ADK: variants seen among roughly 807,000 people sequenced by gnomAD.
ADK encodes the protein adenosine kinase.
Under a neutral mutation model 44.7 loss-of-function variants are expected in ADK, and 24 were observed. The observed-to-expected ratio is 0.54, with a 90% CI of 0.39 to 0.76. ADK has a LOEUF of 0.76. ADK is among the 30% of genes least tolerant of loss of function. ADK has a pLI of 0.00. For missense variants in ADK, 321 were observed against 425.1 expected (o/e 0.76, Z 2.15); for synonymous variants, 128 against 142.6 (o/e 0.90, Z 0.73).
At chr10:74,439,393 CATG>C (rs1434063587) in intron 6 of ADK, among the ~76,000 whole-genome samples, 2 of 152,158 alleles carry the variant, frequency 1.3e-5, no homozygotes, top group Non-Finnish European at 2.9e-5. Flanking sequence ...GCTTTGAAGA[CATG>C]AAGCAAGTTC....
rs367796633 is a variant in ADK at position 74,311,645 on chromosome 10, T to C, written c.195-3022T>C. On this transcript the variant is annotated intron_variant, in intron 3 of 10. Transcript: ENST00000539909. ...GAAACTTGGCTGGAAAAAATTGATATAAAGAATGTTTCTAAATATCAGCCA... is the reference window on the plus strand; with the variant it reads ...GAAACTTGGCTGGAAAAAATTGATACAAAGAATGTTTCTAAATATCAGCCA... 2.6e-5 allele frequency among the ~76,000 whole-genome samples: 4 copies of C among 152,262 alleles called. No homozygotes were observed. The East Asian group carries it at 7.7e-4, about 29-fold the overall frequency.
At chr10:74,655,166 CA>C in intron 9 of ADK, 1 of 304,108 alleles carries the variant, frequency 3.3e-6, no homozygotes, top group Non-Finnish European at 6.5e-6. Flanking sequence ...CAGAAGAACC[CA>C]AGGAAGAAGT....
At chr10:74,522,432 T>C (rs1174659504) in intron 6 of ADK, among the ~76,000 whole-genome samples, 1 of 152,126 alleles carries the variant, frequency 6.6e-6, no homozygotes, top group Non-Finnish European at 1.5e-5. Context: ...TCTCAATTGC[T>C]AGGGGGCCAT....
intron 4 of ADK, among the ~76,000 whole-genome samples, chr10:74,379,369 T>C (rs1036007689): frequency 1.3e-5 from 2 of 152,204 alleles, no homozygotes; most frequent in African/African-American, 4.8e-5. Context: ...ATAACACTCT[T>C]CTCACTGGTC....
chr10:74,660,126 G>A (rs1433421238), intron 9 of ADK, among the ~76,000 whole-genome samples: 1 of 152,000 alleles, frequency 6.6e-6, no homozygotes, highest in Non-Finnish European at 1.5e-5. Flanking sequence ...TGCTATTATT[G>A]TTCCTTTTTT....
In ADK at chr10:74,627,737, A is replaced by G. The variant is rs572434015; in HGVS notation, c.877+27244A>G. Among the ~76,000 whole-genome samples the G allele has an allele frequency of 1.5e-3, 234 of 152,150 alleles. 1 individual carries two copies. The highest frequency in any genetic ancestry group is 2.5e-3 in the Non-Finnish European group (167 of 68,004). On this transcript the variant is annotated intron_variant, in intron 9 of 10. Coordinates refer to ENST00000539909, the MANE Select transcript of ADK (RefSeq NM_006721.4). ...AACCTCCGCCCCCTGGGTTAAAGCA[A>G]TCCTCCCACCTCAACCTCCCCAGAA...
chr10:74,347,106 C>CAAAAAAAAAAAAAAAAAAAAA (rs58074760), intron 4 of ADK, among the ~76,000 whole-genome samples: 2 of 92,300 alleles, frequency 2.2e-5, no homozygotes, highest in Admixed American at 1.1e-4. Context: ...CACTCTGTCT[C>CAAAAAAAAAAAAAAAAAAAAA]AAAAAAAAAA....
At chr10:74,569,855 A>G (rs1564797308) in intron 7 of ADK, among the ~76,000 whole-genome samples, 2 of 152,196 alleles carry the variant, frequency 1.3e-5, no homozygotes, top group African/African-American at 4.8e-5. Context: ...GCCCATGCCT[A>G]TGTCCTGAAT....
intron 8 of ADK, among the ~76,000 whole-genome samples, chr10:74,593,150 C>G (rs1477447640): frequency 6.6e-6 from 1 of 152,152 alleles, no homozygotes; most frequent in Non-Finnish European, 1.5e-5. Flanking sequence ...TTCAGAGTTT[C>G]TGAAAATAAG....
At chr10:74,496,873 T>G (rs1021105889) in intron 6 of ADK, among the ~76,000 whole-genome samples, 4 of 152,260 alleles carry the variant, frequency 2.6e-5, no homozygotes, top group African/African-American at 9.6e-5. Context: ...TTTAACCTTT[T>G]ACTGTGTAGT....
At chr10:74,692,044 C>T (rs574965633) in intron 10 of ADK, among the ~76,000 whole-genome samples, 4 of 152,276 alleles carry the variant, frequency 2.6e-5, no homozygotes, top group South Asian at 4.2e-4. Flanking sequence ...TAAAAACTTA[C>T]GTCTTCACAA....
intron 4 of ADK, among the ~76,000 whole-genome samples, chr10:74,337,944 A>G (rs1375490251): frequency 6.6e-6 from 1 of 151,810 alleles, no homozygotes; most frequent in East Asian, 1.9e-4. Flanking sequence ...GTATTTAAGA[A>G]TCTTAAATGA....
At position 74,459,953 on chromosome 10, in the gene ADK, G is replaced by T. The variant is rs141845343; in HGVS notation, c.555+61374G>T. ...AACCCAAGCCTGTGATCACTTCTTT[G>T]TTTTTTTGCTTCCCTGTAAGGGTAT... On this transcript the variant is annotated intron_variant, in intron 6 of 10. Transcript: ENST00000539909. 3.1e-3 allele frequency among the ~76,000 whole-genome samples: 472 copies of T among 151,916 alleles called. 1 individual carries two copies. Among genetic ancestry groups the T allele is most frequent in the Non-Finnish European group, 4.9e-3 (336 of 67,948 alleles).
intron 7 of ADK, among the ~76,000 whole-genome samples, chr10:74,544,797 G>A (rs1300610605): frequency 1.3e-5 from 2 of 152,104 alleles, no homozygotes; most frequent in African/African-American, 2.4e-5. Flanking sequence ...GGGAGGTGGA[G>A]GTTGCGGTGA....
chr10:74,220,611 A>G (rs534206973), intron 2 of ADK, among the ~76,000 whole-genome samples: 1 of 152,340 alleles, frequency 6.6e-6, no homozygotes, highest in African/African-American at 2.4e-5. Context: ...CATTAATGCA[A>G]AAATCCTCAA....
At chr10:74,555,094 C>G (rs1850190846) in intron 7 of ADK, among the ~76,000 whole-genome samples, 1 of 152,016 alleles carries the variant, frequency 6.6e-6, no homozygotes, top group Non-Finnish European at 1.5e-5. Flanking sequence ...CCCAGGAGTT[C>G]AAGACCAGCC....
At chr10:74,263,027 G>A (rs1846095328) in intron 3 of ADK, among the ~76,000 whole-genome samples, 1 of 152,086 alleles carries the variant, frequency 6.6e-6, no homozygotes, top group African/African-American at 2.4e-5. Context: ...TAGATTAAAT[G>A]TTATTTAAAA....
intron 4 of ADK, among the ~76,000 whole-genome samples, chr10:74,345,246 T>G (rs1312662482): frequency 6.6e-6 from 1 of 152,194 alleles, no homozygotes; most frequent in Non-Finnish European, 1.5e-5. Context: ...TAATGGCTAT[T>G]CTTTCTGACA....
At chr10:74,553,642 A>G (rs1345355881) in intron 7 of ADK, among the ~76,000 whole-genome samples, 1 of 152,240 alleles carries the variant, frequency 6.6e-6, no homozygotes, top group African/African-American at 2.4e-5. Flanking sequence ...ACATTATACC[A>G]TTCAAACAAA....
Sources: gnomAD v4.1 joint callset for allele counts (sites outside exome capture counted in the v4.1 genomes callset) on GRCh38, gnomAD v4.1.1 for gene constraint, MANE v1.5 for transcripts, NCBI Gene and HGNC (gene_info 2026-07-23, HGNC 2026-07-21) for gene names.